CDYL2: variants seen among roughly 807,000 people sequenced by gnomAD.
CDYL2 encodes the protein chromodomain Y-like protein 2.
CDYL2 carries 23 observed loss-of-function variants against 49.4 expected under a neutral mutation model. The ratio of observed to expected loss-of-function variants is 0.47; its 90% CI spans 0.34 to 0.66. The LOEUF (loss-of-function observed/expected upper bound fraction) is 0.66. Among genes scored for constraint, CDYL2 ranks in the 30% least tolerant of loss-of-function variants. The probability of loss-of-function intolerance (pLI) is 0.01; values close to 1 mark genes in which losing one functional copy is unlikely to be tolerated. For synonymous variants in CDYL2, 360 were observed against 268.8 expected, an observed-to-expected ratio of 1.34 and a Z score of -3.32; for missense variants, 678 against 656.4, an observed-to-expected ratio of 1.03 and a Z score of -0.36.
In CDYL2 at chr16:80,793,937, G is replaced by T. The variant is rs538317822; in HGVS notation, c.24+10213C>A. Among the ~76,000 whole-genome samples the T allele has an allele frequency of 7.9e-5, 12 of 152,224 alleles. No homozygotes were observed. In the East Asian group the frequency reaches 2.1e-3, roughly 27 times the overall value. ...AGTCAATTTCTTTCTGCATTTGGTTGTTTGTAAATAAAAACACAATCTTTG... is the reference window on the plus strand; with the variant it reads ...AGTCAATTTCTTTCTGCATTTGGTTTTTTGTAAATAAAAACACAATCTTTG... On this transcript the variant is annotated intron_variant, in intron 1 of 6. Transcript: ENST00000570137.
At chr16:80,754,743 A>G (rs911766289) in intron 1 of CDYL2, among the ~76,000 whole-genome samples, 63 of 152,342 alleles carry the variant, frequency 4.1e-4, no homozygotes, top group African/African-American at 1.5e-3. Flanking sequence ...CATGAGCTCA[A>G]TAAGTTATTA....
At chr16:80,752,756 C>A (rs1430810450) in intron 1 of CDYL2, among the ~76,000 whole-genome samples, 1 of 152,208 alleles carries the variant, frequency 6.6e-6, no homozygotes, top group Non-Finnish European at 1.5e-5. Context: ...TTGCTGATTT[C>A]TGTGGTGTAA....
chr16:80,669,176 G>C (rs1261366776), intron 2 of CDYL2, among the ~76,000 whole-genome samples: 1 of 151,878 alleles, frequency 6.6e-6, no homozygotes, highest in Admixed American at 6.6e-5. Context: ...AAGGAGAAGA[G>C]TCAATAGTGG....
chr16:80,626,275 T>TAA (rs11358031), intron 3 of CDYL2, among the ~76,000 whole-genome samples: 1,652 of 92,242 alleles, frequency 0.018, 27 homozygotes, highest in African/African-American at 0.039. Context: ...AAATCCCATC[T>TAA]AAAAAAAAAA....
chr16:80,785,174 T>C (rs570162390), intron 1 of CDYL2, among the ~76,000 whole-genome samples: 2 of 152,272 alleles, frequency 1.3e-5, no homozygotes, highest in African/African-American at 4.8e-5. Flanking sequence ...AGTGAAATTG[T>C]TTCTGTTTGC....
At chr16:80,684,084 C>T (rs1033980016) in intron 2 of CDYL2, among the ~76,000 whole-genome samples, 3 of 152,160 alleles carry the variant, frequency 2.0e-5, no homozygotes, top group African/African-American at 7.2e-5. Flanking sequence ...GGCACGGACC[C>T]CAACCCAGAC....
intron 4 of CDYL2, among the ~76,000 whole-genome samples, 169 bp downstream of exon 4, chr16:80,620,594 T>C (rs571966920): frequency 3.3e-5 from 5 of 152,318 alleles, no homozygotes; most frequent in African/African-American, 1.2e-4. Flanking sequence ...TTCAGATAAA[T>C]AACCAACATT....
intron 1 of CDYL2, among the ~76,000 whole-genome samples, chr16:80,734,600 C>A (rs1905450519): frequency 6.6e-6 from 1 of 152,176 alleles, no homozygotes; most frequent in Middle Eastern, 3.4e-3. Context: ...GGGAGTCAGC[C>A]TATTTGACAA....
rs1906190821 is a variant in CDYL2, at chr16:80,603,553, G to T, written c.*835C>A. On this transcript the variant is annotated 3_prime_UTR_variant, in exon 7 of 7. Transcript: ENST00000570137. ...TCTCTCTAAACTTTATTTCTACATG[G>T]TTCATTGCTAGAATGCACCAAACGG... 1 of 152,344 alleles carries T rather than the reference G, an allele frequency of 6.6e-6. No homozygotes were observed. The highest frequency in any genetic ancestry group is 2.4e-5 in the African/African-American group (1 of 41,398). 9.4% of individuals were successfully genotyped at this position (152,344 alleles called of 1,614,324 possible).
rs182769305 is a variant in CDYL2, at chr16:80,708,131, G to A, written c.25-23002C>T. On this transcript the variant is annotated intron_variant, in intron 1 of 6. Coordinates refer to ENST00000570137, the MANE Select transcript of CDYL2 (RefSeq NM_152342.4). ...ATCCAGGACTGGGATGGAAGGATAG[G>A]AGGAAACTCACATTTACTCAACAGG... Among the ~76,000 whole-genome samples, 793 of 152,270 alleles carry A rather than the reference G, an allele frequency of 5.2e-3. 8 individuals are homozygous for A. Among genetic ancestry groups the A allele is most frequent in the Middle Eastern group, 0.01 (3 of 294 alleles).
chr16:80,722,723 C>T (rs1280170275), intron 1 of CDYL2, among the ~76,000 whole-genome samples: 2 of 152,164 alleles, frequency 1.3e-5, no homozygotes, highest in African/African-American at 4.8e-5. Flanking sequence ...TACTGTGCTC[C>T]TTCTTTGTAC....
chr16:80,727,406 G>C (rs184938403), intron 1 of CDYL2, among the ~76,000 whole-genome samples: 2 of 152,196 alleles, frequency 1.3e-5, no homozygotes, highest in Non-Finnish European at 2.9e-5. Flanking sequence ...AAAAAACGGC[G>C]CACCAGGAGA....
chr16:80,662,663 G>C (rs766525655), intron 2 of CDYL2: 10 of 450,866 alleles, frequency 2.2e-5, no homozygotes, highest in Non-Finnish European at 4.4e-5. Flanking sequence ...TATCTGCATT[G>C]TCTAATACAG....
chr16:80,744,052 T>C (rs62048560), intron 1 of CDYL2, among the ~76,000 whole-genome samples: 64,240 of 125,636 alleles, frequency 0.51, 16,343 homozygotes, highest in Non-Finnish European at 0.67. Context: ...CCATTTAATA[T>C]GTTCAAAACC....
rs183384275 is a variant in CDYL2 at position 80,727,437 on chromosome 16, G to A, written c.25-42308C>T. ...GGAGATTATATCCCGCACATGGCTC[G>A]GAAGGTCCTACGCCCACGGAGTCTC... On this transcript the variant is annotated intron_variant, in intron 1 of 6. Transcript: ENST00000570137. 7.1e-3 allele frequency among the ~76,000 whole-genome samples: 1,087 copies of A among 152,334 alleles called. 5 individuals are homozygous for A. Among genetic ancestry groups the A allele is most frequent in the Non-Finnish European group, 0.012 (799 of 68,032 alleles).
At chr16:80,710,160 C>T (rs12925883) in intron 1 of CDYL2, among the ~76,000 whole-genome samples, 8,187 of 152,212 alleles carry the variant, frequency 0.054, 278 homozygotes, top group African/African-American at 0.094. Context: ...AACTCCTGAC[C>T]TCGTGATCCT....
chr16:80,626,330 A>C (rs1039051288), intron 3 of CDYL2, among the ~76,000 whole-genome samples: 5 of 152,070 alleles, frequency 3.3e-5, no homozygotes, highest in African/African-American at 1.2e-4. Flanking sequence ...TTAATAAAAA[A>C]AAACTGACTA....
At chr16:80,619,640 G>A (rs1407812821) in intron 4 of CDYL2, among the ~76,000 whole-genome samples, 2 of 152,178 alleles carry the variant, frequency 1.3e-5, no homozygotes, top group African/African-American at 2.4e-5. Context: ...CACGCAAAGC[G>A]CAAACTGTGT....
At chr16:80,754,238 C>CA (rs1906232607) in intron 1 of CDYL2, among the ~76,000 whole-genome samples, 1 of 152,070 alleles carries the variant, frequency 6.6e-6, no homozygotes, top group Non-Finnish European at 1.5e-5. Context: ...GACACATCAG[C>CA]AAAGGAGGTG....
Sources: gnomAD v4.1 joint callset for allele counts (sites outside exome capture counted in the v4.1 genomes callset) on GRCh38, gnomAD v4.1.1 for gene constraint, MANE v1.5 for transcripts, NCBI Gene and HGNC (gene_info 2026-07-23, HGNC 2026-07-21) for gene names.